CD200R1L: variants seen among roughly 807,000 people sequenced by gnomAD.
CD200R1L encodes the protein cell surface glycoprotein CD200 receptor 2.
CD200R1L carries 14 observed loss-of-function variants against 24.8 expected under a neutral mutation model. The observed-to-expected ratio is 0.56, with a 90% confidence interval of 0.37 to 0.88. The LOEUF is 0.88. Among genes scored for constraint, CD200R1L ranks in the 40% least tolerant of loss-of-function variants. CD200R1L has a pLI of 0.00. For missense variants in CD200R1L, 299 were observed against 297.8 expected (o/e 1.00, Z -0.03); for synonymous variants, 111 against 109.2 (o/e 1.02, Z -0.11).
At chr3:112,819,432 G>A (rs577769596) in intron 7 of CD200R1L, among the ~76,000 whole-genome samples, 39 of 152,262 alleles carry the variant, frequency 2.6e-4, no homozygotes, top group Non-Finnish European at 4.3e-4. Flanking sequence ...AAGCAGGAAT[G>A]AACACAAGCC....
intron 3 of CD200R1L, among the ~76,000 whole-genome samples, chr3:112,835,614 C>T (rs776850660): frequency 6.6e-6 from 1 of 152,266 alleles, no homozygotes; most frequent in African/African-American, 2.4e-5. Flanking sequence ...GGTGGGGCTT[C>T]ACCAGGGGCC....
chr3:112,827,668 A>G lies in CD200R1L; in HGVS notation c.66T>C (p.Pro22=). The G allele has an allele frequency of 6.2e-7, 1 of 1,613,090 alleles. No individual in the cohort carries two copies. Among genetic ancestry groups the G allele is most frequent in the South Asian group, 1.1e-5 (1 of 91,014 alleles). ...GCACAGCATTTATATCCATCAGTAC[A>G]GGCTGTGAAATGTTACCTGGACACA... ...TIFAEGNISQ[P]VLMDINAVLC... The change falls in exon 5 of 8, where the codon CCT becomes CCC. Residue 22 remains proline, a synonymous_variant. Transcript: ENST00000488794.
intron 7 of CD200R1L, 95 bp downstream of exon 7, chr3:112,819,677 G>T: frequency 7.5e-7 from 1 of 1,329,042 alleles, no homozygotes; most frequent in Non-Finnish European, 1.0e-6. Flanking sequence ...CCAAAAAAGT[G>T]TCAAGCTTTT....
At position 112,845,690 on chromosome 3, in the gene CD200R1L, A is replaced by G. The variant is rs1939185521; in HGVS notation, c.-98T>C. ...AGTATCAGACTTACCAGACACCATG[A>G]TAATGATGGAAATCAGTAATCTTGG... On this transcript the variant is annotated 5_prime_UTR_variant, in exon 2 of 8. Coordinates refer to ENST00000488794, the MANE Select transcript of CD200R1L (RefSeq NM_001199215.3). 1.2e-6 allele frequency: 2 copies of G among 1,613,256 alleles called. No homozygotes were observed. Among genetic ancestry groups the G allele is most frequent in the Non-Finnish European group, 8.5e-7 (1 of 1,179,534 alleles).
chr3:112,845,761 TA>T lies in CD200R1L; in HGVS notation c.-170del. 1 of 1,554,088 alleles carries T rather than the reference TA, an allele frequency of 6.4e-7. No individual in the cohort carries two copies. The highest frequency in any genetic ancestry group is 1.7e-4 in the Middle Eastern group (1 of 5,956). ...TATGCTTTTGGAGTGGTTTTCTACT[TA>T]AACATAAATCCACTTTAAATCAATC... On this transcript the variant is annotated 5_prime_UTR_variant, in exon 2 of 8. It removes the in-frame stop codon of an upstream open reading frame in the 5' UTR. Transcript: ENST00000488794.
intron 7 of CD200R1L, among the ~76,000 whole-genome samples, chr3:112,816,307 G>A (rs1355250811): frequency 6.6e-6 from 1 of 152,116 alleles, no homozygotes; most frequent in African/African-American, 2.4e-5. Flanking sequence ...AGAGAGGTAG[G>A]GATGGGACTG....
intron 2 of CD200R1L, among the ~76,000 whole-genome samples, chr3:112,844,617 T>A (rs1038646813): frequency 3.9e-5 from 6 of 152,168 alleles, no homozygotes; most frequent in Non-Finnish European, 8.8e-5. Flanking sequence ...ATTAACAATC[T>A]AACATTACAC....
chr3:112,820,032 T>G, intron 6 of CD200R1L, 137 bp from the exon 7 acceptor site: 2 of 723,100 alleles, frequency 2.8e-6, no homozygotes, highest in East Asian at 6.4e-5. Flanking sequence ...TTCTAAATTA[T>G]GACTCAAATG....
At chr3:112,825,527 C>T (rs1479495187) in intron 6 of CD200R1L, among the ~76,000 whole-genome samples, 1 of 151,290 alleles carries the variant, frequency 6.6e-6, no homozygotes, top group East Asian at 1.9e-4. Flanking sequence ...TTGGGAGATG[C>T]TTTTTGTCAG....
chr3:112,840,310 G>T (rs78789933), intron 2 of CD200R1L, among the ~76,000 whole-genome samples: 1,954 of 152,328 alleles, frequency 0.013, 24 homozygotes, highest in Non-Finnish European at 0.021. Context: ...GGTGGCATCT[G>T]CTTCTGGGAG....
intron 2 of CD200R1L, among the ~76,000 whole-genome samples, chr3:112,844,271 C>T (rs928302163): frequency 6.6e-6 from 1 of 152,160 alleles, no homozygotes; most frequent in Non-Finnish European, 1.5e-5. Flanking sequence ...ATGGAACGTG[C>T]TCTGAGGTCA....
At chr3:112,846,268 A>G (rs1156401691) in intron 1 of CD200R1L, among the ~76,000 whole-genome samples, 2 of 152,244 alleles carry the variant, frequency 1.3e-5, no homozygotes, top group Non-Finnish European at 2.9e-5. Context: ...CAGACTTCTA[A>G]TAGCTTTAAT....
At chr3:112,820,505 A>G (rs1343196544) in intron 6 of CD200R1L, among the ~76,000 whole-genome samples, 1 of 151,962 alleles carries the variant, frequency 6.6e-6, no homozygotes. Context: ...ATCTCGGCTG[A>G]CTGCAACCTC....
intron 3 of CD200R1L, among the ~76,000 whole-genome samples, chr3:112,835,309 C>T (rs1182294234): frequency 1.3e-5 from 2 of 152,138 alleles, no homozygotes; most frequent in East Asian, 3.9e-4. Flanking sequence ...GAGTGGGTAG[C>T]TCCTCTCTGC....
chr3:112,842,361 C>T (rs902791843), intron 2 of CD200R1L, among the ~76,000 whole-genome samples: 1 of 152,218 alleles, frequency 6.6e-6, no homozygotes, highest in Non-Finnish European at 1.5e-5. Flanking sequence ...TTATGCCTGT[C>T]TTTAATTTCT....
chr3:112,831,413 A>G (rs886389620), intron 3 of CD200R1L, among the ~76,000 whole-genome samples: 2 of 152,186 alleles, frequency 1.3e-5, no homozygotes, highest in Non-Finnish European at 2.9e-5. Context: ...ACGTGTGTGC[A>G]TGAGTGAGTG....
intron 2 of CD200R1L, chr3:112,841,308 T>C (rs1351145389): frequency 2.2e-6 from 1 of 450,158 alleles, no homozygotes; most frequent in Non-Finnish European, 4.5e-6. Flanking sequence ...TGATTGTAAG[T>C]TTTTTGAGGC....
intron 2 of CD200R1L, among the ~76,000 whole-genome samples, chr3:112,841,827 C>T (rs760794256): frequency 3.9e-5 from 6 of 152,178 alleles, no homozygotes; most frequent in Admixed American, 2.0e-4. Flanking sequence ...ACCATGCACT[C>T]GATCCCAAAG....
rs546654022 is a variant in CD200R1L, at chr3:112,846,825, T to C, written c.-559A>G. 7.2e-5 allele frequency: 11 copies of C among 152,346 alleles called. No homozygotes were observed. Among genetic ancestry groups the C allele is most frequent in the Admixed American group, 6.5e-4 (10 of 15,308 alleles). The allele number at this position is 152,346 out of a possible 1,614,324, so 9.4% of individuals were successfully genotyped here. On this transcript the variant is annotated 5_prime_UTR_variant, in exon 1 of 8. Coordinates refer to ENST00000488794, the MANE Select transcript of CD200R1L (RefSeq NM_001199215.3). ...TGGGCGCATACACAGGAACACCATGTGAAGATAAAAGGCAGAGATCTGAGT... is the reference window on the plus strand; with the variant it reads ...TGGGCGCATACACAGGAACACCATGCGAAGATAAAAGGCAGAGATCTGAGT...
Sources: allele counts gnomAD v4.1 joint callset (sites outside exome capture counted in the v4.1 genomes callset), GRCh38; gene constraint gnomAD v4.1.1; transcripts MANE v1.5; gene names NCBI Gene and HGNC (gene_info 2026-07-23, HGNC 2026-07-21).